Variants in MYO16 observed in about 807,000 individuals in gnomAD.
MYO16 encodes unconventional myosin-XVI.
A neutral mutation model predicts 205.3 loss-of-function variants in MYO16; 94 were observed. The observed-to-expected ratio is 0.46, with a 90% CI of 0.39 to 0.54. The LOEUF (loss-of-function observed/expected upper bound fraction) is 0.54, where lower values mean the gene tolerates loss of function less well. MYO16 is among the 20% of genes least tolerant of loss of function. The pLI is 0.00. For missense variants in MYO16, 2,315 were observed against 2,387.5 expected (o/e 0.97, Z 0.63); for synonymous variants, 988 against 954.0 (o/e 1.04, Z -0.66).
chr13:109,048,623 T>C, intron 24 of MYO16: 1 of 330,994 alleles, frequency 3.0e-6, no homozygotes, highest in Non-Finnish European at 5.5e-6. Flanking sequence ...CACTCTATCA[T>C]AAAAGCAAAA....
At chr13:108,871,514 CA>C (rs1260673703) in intron 12 of MYO16, among the ~76,000 whole-genome samples, 1 of 152,102 alleles carries the variant, frequency 6.6e-6, no homozygotes, top group South Asian at 2.1e-4. Flanking sequence ...CTAGCAGGCA[CA>C]TAAGTTGTAG....
chr13:109,075,786 A>G (rs1008257933), intron 27 of MYO16, among the ~76,000 whole-genome samples: 3 of 152,138 alleles, frequency 2.0e-5, no homozygotes, highest in Non-Finnish European at 4.4e-5. Flanking sequence ...AGTTCTTTAT[A>G]TATTCTGAAG....
At chr13:108,972,494 C>T (rs914210711) in intron 20 of MYO16, among the ~76,000 whole-genome samples, 1 of 141,954 alleles carries the variant, frequency 7.0e-6, no homozygotes, top group Non-Finnish European at 1.5e-5. Flanking sequence ...TGGTGGACAC[C>T]CAAGATGCAG....
At chr13:109,112,914 C>G (rs943227747) in intron 28 of MYO16, among the ~76,000 whole-genome samples, 2 of 152,146 alleles carry the variant, frequency 1.3e-5, no homozygotes, top group Non-Finnish European at 2.9e-5. Context: ...TTATACTTTT[C>G]CAACATTATC....
At chr13:108,652,489 T>C (rs1185496060) in intron 1 of MYO16, among the ~76,000 whole-genome samples, 5 of 152,220 alleles carry the variant, frequency 3.3e-5, no homozygotes, top group Non-Finnish European at 4.4e-5. Flanking sequence ...TATATTCTCA[T>C]TGTTATGAAA....
chr13:108,922,387 G>A (rs779212124), intron 16 of MYO16, among the ~76,000 whole-genome samples: 15 of 152,282 alleles, frequency 9.9e-5, no homozygotes, highest in Admixed American at 2.0e-4. Flanking sequence ...GGGCCACGCT[G>A]CTGAGAGAGA....
rs757712927 is a variant in MYO16 at position 109,140,409 on chromosome 13, G to T, written c.4197G>T (p.Ala1399=). 2.5e-6 allele frequency: 4 copies of T among 1,580,614 alleles called. No homozygotes were observed. Among genetic ancestry groups the T allele is most frequent in the East Asian group, 2.3e-5 (1 of 43,230 alleles). Residue 1399 remains alanine, a synonymous_variant, in exon 32 of 35, where the codon GCG becomes GCT. Transcript: ENST00000457511. The surrounding 1 kb of genome is among the most constrained non-coding windows in gnomAD (Gnocchi z 8.0). ...CCCGGCCCGGGGACGCGAGGCCCGCGGGCGCCCCGGGGGCAGCAGCGCGCG... is the reference window on the plus strand; with the variant it reads ...CCCGGCCCGGGGACGCGAGGCCCGCTGGCGCCCCGGGGGCAGCAGCGCGCG... ...SGSRPGDARP[A]GAPGAAARVL...
intron 28 of MYO16, among the ~76,000 whole-genome samples, chr13:109,104,067 T>G (rs986959403): frequency 1.3e-5 from 2 of 152,200 alleles, no homozygotes; most frequent in African/African-American, 4.8e-5. Flanking sequence ...AGCCCTTGTC[T>G]TAATTAGAGA....
chr13:108,853,219 G>A (rs1877981030), intron 10 of MYO16, among the ~76,000 whole-genome samples: 1 of 152,200 alleles, frequency 6.6e-6, no homozygotes. Context: ...GGAACTCAGT[G>A]TATAATGTGA....
intron 20 of MYO16, among the ~76,000 whole-genome samples, chr13:108,984,022 T>C (rs866735757): frequency 2.8e-4 from 43 of 152,186 alleles, no homozygotes; most frequent in African/African-American, 9.4e-4. Context: ...TTCTAAAATA[T>C]TCACAGAGCT....
rs148448924 is a variant in MYO16, at chr13:109,127,432, C to T, written c.3933C>T (p.Leu1311=). ...TCAGCATGGATGACAGCAGCAGCCT[C>T]CCGTCTCCACGGAAACAGCCCCCGC... The part of the protein sequence containing the change: ...SVFSMDDSSS[L]PSPRKQPPPK... The change falls in exon 31 of 35, where the codon CTC becomes CTT. Residue 1311 remains leucine (L), a synonymous_variant. Transcript: ENST00000457511. This position sits in a 1 kb window ranked among gnomAD's most constrained non-coding sequence, Gnocchi z 4.2. 2 of 1,613,932 alleles carry T rather than the reference C, an allele frequency of 1.2e-6. No homozygotes were observed. The highest frequency in any genetic ancestry group is 2.7e-5 in the African/African-American group (2 of 74,924).
intron 4 of MYO16, among the ~76,000 whole-genome samples, chr13:108,764,736 G>T (rs1461300872): frequency 6.6e-6 from 1 of 152,132 alleles, no homozygotes; most frequent in Non-Finnish European, 1.5e-5. Context: ...TTGTGAAATT[G>T]TATCTTTTAA....
At chr13:108,862,920 G>T (rs761671457) in intron 11 of MYO16, among the ~76,000 whole-genome samples, 1 of 152,024 alleles carries the variant, frequency 6.6e-6, no homozygotes, top group Admixed American at 6.6e-5. Flanking sequence ...TATTAAATTT[G>T]CTTATTGGCG....
intron 23 of MYO16, among the ~76,000 whole-genome samples, chr13:109,030,822 C>G (rs1886525405): frequency 6.6e-6 from 1 of 152,136 alleles, no homozygotes; most frequent in South Asian, 2.1e-4. Context: ...CAACTCACCT[C>G]AAAAAAGTAA....
chr13:108,849,251 T>G (rs959126822), intron 10 of MYO16, among the ~76,000 whole-genome samples: 3 of 152,118 alleles, frequency 2.0e-5, no homozygotes, highest in African/African-American at 7.2e-5. Flanking sequence ...AGTACAATGG[T>G]GCCATCTCAG....
At chr13:108,827,136 C>A (rs429403) in intron 9 of MYO16, among the ~76,000 whole-genome samples, 92,587 of 151,976 alleles carry the variant, frequency 0.61, 29,176 homozygotes, top group Middle Eastern at 0.73. Context: ...AAAGGGGGAA[C>A]AACTGTCCAT....
At chr13:108,822,483 A>G (rs1309566438) in intron 8 of MYO16, among the ~76,000 whole-genome samples, 1 of 152,136 alleles carries the variant, frequency 6.6e-6, no homozygotes, top group Non-Finnish European at 1.5e-5. Context: ...CATGATCTGT[A>G]TCAATTTCTA....
At chr13:108,632,264 G>T (rs143604945) in intron 1 of MYO16, among the ~76,000 whole-genome samples, 1 of 151,934 alleles carries the variant, frequency 6.6e-6, no homozygotes, top group Non-Finnish European at 1.5e-5. Flanking sequence ...TTCCTTCTTC[G>T]CCTGTCCTGC....
At chr13:108,672,386 T>C (rs377444548) in intron 2 of MYO16, among the ~76,000 whole-genome samples, 1 of 152,222 alleles carries the variant, frequency 6.6e-6, no homozygotes, top group Non-Finnish European at 1.5e-5. Flanking sequence ...TATATTTGTA[T>C]GAAATTTTAT....
Sources: allele counts gnomAD v4.1 joint callset (sites outside exome capture counted in the v4.1 genomes callset), GRCh38; gene constraint gnomAD v4.1.1; non-coding constraint Gnocchi (gnomAD v3.1); transcripts MANE v1.5; gene names NCBI Gene and HGNC (gene_info 2026-07-23, HGNC 2026-07-21).